The following CELF2 variants were observed in gnomAD, a reference collection of about 807,000 sequenced individuals.
The protein encoded by CELF2 is CUGBP Elav-like family member 2.
A neutral mutation model predicts 62.6 loss-of-function variants in CELF2; 8 were observed. The observed-to-expected ratio is 0.13, with a 90% CI of 0.07 to 0.23. CELF2 has a LOEUF of 0.23. CELF2 is among the 10% of genes least tolerant of loss of function. CELF2 has a pLI of 1.00. For missense variants in CELF2, 333 were observed against 671.0 expected (o/e 0.50, Z 5.56); for synonymous variants, 258 against 250.0 (o/e 1.03, Z -0.30).
At chr10:10,664,152 CAAGCTG>C in the CELF2 span, among the ~76,000 whole-genome samples, 3 of 152,154 alleles carry the variant, frequency 2.0e-5, no homozygotes, top group Non-Finnish European at 4.4e-5. Flanking sequence ...TGGCACATCA[CAAGCTG>C]AAGCTAGATT....
chr10:10,697,409 G>A, the CELF2 span, among the ~76,000 whole-genome samples: 2 of 152,196 alleles, frequency 1.3e-5, no homozygotes, highest in Non-Finnish European at 2.9e-5. Flanking sequence ...CATTGCTTAA[G>A]GCCAGTGTGC....
chr10:11,147,049 A>G (rs1208765998), intron 1 of CELF2, among the ~76,000 whole-genome samples: 1 of 152,220 alleles, frequency 6.6e-6, no homozygotes, highest in Non-Finnish European at 1.5e-5. Context: ...TGCCTGAACT[A>G]AGAGACACAT....
chr10:11,142,191 TG>T (rs1390874776), intron 1 of CELF2, among the ~76,000 whole-genome samples: 2 of 152,236 alleles, frequency 1.3e-5, no homozygotes, highest in East Asian at 3.8e-4. Context: ...GTATCTTGAA[TG>T]ATAACTTGTT....
At chr10:11,004,422 C>CGCGCGTGTGT (rs112867733), upstream of CELF2, among the ~76,000 whole-genome samples, 5 of 148,492 alleles carry the variant, frequency 3.4e-5, no homozygotes, top group Non-Finnish European at 6.0e-5. This position sits in a 1 kb window ranked among gnomAD's most constrained non-coding sequence, Gnocchi z 5.0. Flanking sequence ...TGTGCGCGCG[C>CGCGCGTGTGT]GTGTGTGTGT....
chr10:10,602,908 C>A, the CELF2 span, among the ~76,000 whole-genome samples: 4 of 152,118 alleles, frequency 2.6e-5, no homozygotes, highest in African/African-American at 9.7e-5. Context: ...CTTTGTCTGT[C>A]TTTTCCTAAC....
At chr10:10,910,463 G>C (rs1414526551) in intron 1 of CELF2, among the ~76,000 whole-genome samples, 6 of 152,088 alleles carry the variant, frequency 3.9e-5, no homozygotes. Flanking sequence ...GGGAGGCCGA[G>C]GTGGGCAGAT....
At chr10:10,510,497 T>C in the CELF2 span, among the ~76,000 whole-genome samples, 1 of 152,208 alleles carries the variant, frequency 6.6e-6, no homozygotes, top group East Asian at 1.9e-4. Flanking sequence ...AAAAGTTTAA[T>C]ATCACCCCAA....
the CELF2 span, among the ~76,000 whole-genome samples, chr10:10,743,783 C>T: frequency 6.6e-6 from 1 of 152,204 alleles, no homozygotes; most frequent in African/African-American, 2.4e-5. Flanking sequence ...CCATACAGAC[C>T]ATATGAACTC....
chr10:10,657,096 G>C, the CELF2 span, among the ~76,000 whole-genome samples: 5 of 152,088 alleles, frequency 3.3e-5, no homozygotes, highest in African/African-American at 1.2e-4. Flanking sequence ...GATTGATAGA[G>C]GCTACAGCAT....
chr10:11,203,165 G>C (rs772184668), intron 2 of CELF2, among the ~76,000 whole-genome samples: 1 of 152,068 alleles, frequency 6.6e-6, no homozygotes, highest in Non-Finnish European at 1.5e-5. Flanking sequence ...CTACTCTAGC[G>C]TGCATGCAGC....
At chr10:10,736,829 T>C in the CELF2 span, among the ~76,000 whole-genome samples, 1 of 152,114 alleles carries the variant, frequency 6.6e-6, no homozygotes, top group Non-Finnish European at 1.5e-5. Flanking sequence ...AAGGTTCATA[T>C]AAATATCGAT....
chr10:11,234,016 G>C (rs1040925873), intron 3 of CELF2, among the ~76,000 whole-genome samples: 6 of 152,202 alleles, frequency 3.9e-5, no homozygotes, highest in Non-Finnish European at 8.8e-5. Flanking sequence ...TGAAGGGTGA[G>C]ATCCACGCTC....
chr10:10,669,347 T>A, the CELF2 span, among the ~76,000 whole-genome samples: 1 of 152,228 alleles, frequency 6.6e-6, no homozygotes, highest in African/African-American at 2.4e-5. Flanking sequence ...TTTATTATGC[T>A]GATGTTTTCT....
rs1286002428 is a variant in CELF2, at chr10:11,285,637, T to C, written c.842-2781T>C. On this transcript the variant is annotated intron_variant, in intron 8 of 12. Transcript: ENST00000633077. This position sits in a 1 kb window ranked among gnomAD's most constrained non-coding sequence, Gnocchi z 4.3. ...TCTGTACAGTGGATTAGTTAATGATTGAGAGGAAACAGCCAATATTTGATG... is the reference window on the plus strand; with the variant it reads ...TCTGTACAGTGGATTAGTTAATGATCGAGAGGAAACAGCCAATATTTGATG... 6.6e-6 allele frequency among the ~76,000 whole-genome samples: 1 copy of C among 152,134 alleles called. No individual in the cohort carries two copies. The highest frequency in any genetic ancestry group is 2.4e-5 in the African/African-American group (1 of 41,428).
At chr10:10,640,435 C>T in the CELF2 span, among the ~76,000 whole-genome samples, 1 of 152,208 alleles carries the variant, frequency 6.6e-6, no homozygotes, top group Non-Finnish European at 1.5e-5. Context: ...GTTATGCCCT[C>T]CTTGTGAGCC....
At chr10:10,556,740 T>G in the CELF2 span, among the ~76,000 whole-genome samples, 1 of 152,128 alleles carries the variant, frequency 6.6e-6, no homozygotes, top group African/African-American at 2.4e-5. Flanking sequence ...TGGTGTGAGA[T>G]GGTATCTCAT....
chr10:11,254,327 C>T (rs1279840140), intron 4 of CELF2, among the ~76,000 whole-genome samples: 5 of 152,278 alleles, frequency 3.3e-5, no homozygotes, highest in Admixed American at 2.6e-4. Context: ...TCCCAAAGCC[C>T]AGCACTTCTG....
the CELF2 span, among the ~76,000 whole-genome samples, chr10:10,567,007 A>G: frequency 2.0e-5 from 3 of 152,220 alleles, no homozygotes; most frequent in African/African-American, 4.8e-5. Flanking sequence ...TACATATTGA[A>G]GTATTGCTCA....
chr10:10,772,818 G>A, the CELF2 span, among the ~76,000 whole-genome samples: 2 of 151,390 alleles, frequency 1.3e-5, no homozygotes, highest in Admixed American at 6.6e-5. Context: ...CAACATATGT[G>A]AAAATGTGTC....
Sources: allele counts gnomAD v4.1 joint callset (sites outside exome capture counted in the v4.1 genomes callset), GRCh38; gene constraint gnomAD v4.1.1; non-coding constraint Gnocchi (gnomAD v3.1); transcripts MANE v1.5; gene names NCBI Gene and HGNC (gene_info 2026-07-23, HGNC 2026-07-21).